The following ACADM variants were observed in gnomAD, a reference collection of about 807,000 sequenced individuals.
ACADM encodes the protein acyl-CoA dehydrogenase medium chain.
In ACADM, 49 loss-of-function variants were observed where a neutral mutation model predicts 58.9. That is an observed-to-expected ratio of 0.83 (90% CI 0.66 to 1.06). The LOEUF (loss-of-function observed/expected upper bound fraction) is 1.06, where lower values mean the gene tolerates loss of function less well. Ranked by LOEUF, ACADM falls within the 50% of genes least tolerant of loss-of-function variation. The probability of loss-of-function intolerance (pLI) is 0.00; values close to 1 mark genes in which losing one functional copy is unlikely to be tolerated. For missense variants in ACADM, 496 were observed against 507.0 expected (o/e 0.98, Z 0.21); for synonymous variants, 160 against 157.7 (o/e 1.01, Z -0.11).
intron 2 of ACADM, chr1:75,732,406 T>C (rs1647162697): frequency 2.0e-6 from 1 of 509,274 alleles, no homozygotes; most frequent in South Asian, 2.3e-5. Context: ...CAGGTTAATA[T>C]CTATTACTCA....
chr1:75,742,592 A>G (rs1647640346), intron 7 of ACADM, among the ~76,000 whole-genome samples: 1 of 152,090 alleles, frequency 6.6e-6, no homozygotes, highest in Non-Finnish European at 1.5e-5. Context: ...GCTTGGTTCC[A>G]CTGCCATGAT....
intron 10 of ACADM, among the ~76,000 whole-genome samples, chr1:75,756,635 C>A (rs1648523624): frequency 6.6e-6 from 1 of 152,128 alleles, no homozygotes; most frequent in African/African-American, 2.4e-5. Context: ...GGCCATATTG[C>A]CCAAGGTAAT....
chr1:75,752,243 T>A (rs1648250613), intron 10 of ACADM, among the ~76,000 whole-genome samples: 1 of 152,108 alleles, frequency 6.6e-6, no homozygotes, highest in Non-Finnish European at 1.5e-5. Flanking sequence ...CAGCCCCCCA[T>A]GAGCCTCCTA....
chr1:75,749,293 C>A, intron 8 of ACADM, 126 bp from the exon 9 acceptor site: 2 of 883,842 alleles, frequency 2.3e-6, no homozygotes, highest in Non-Finnish European at 1.8e-6. Flanking sequence ...GCAAAACAGG[C>A]ATTGCAGACT....
intron 6 of ACADM, among the ~76,000 whole-genome samples, chr1:75,735,214 G>A (rs1557446803): frequency 6.6e-6 from 1 of 151,106 alleles, no homozygotes; most frequent in Non-Finnish European, 1.5e-5. Flanking sequence ...TGCTCAGGAG[G>A]CTGAGGCATA....
intron 8 of ACADM, among the ~76,000 whole-genome samples, chr1:75,746,294 A>G (rs1352621654): frequency 6.6e-6 from 1 of 152,208 alleles, no homozygotes; most frequent in African/African-American, 2.4e-5. Flanking sequence ...CATTATGCCC[A>G]TTTTACAGAT....
At chr1:75,757,898 T>C (rs1370511290) in intron 10 of ACADM, among the ~76,000 whole-genome samples, 2 of 152,182 alleles carry the variant, frequency 1.3e-5, no homozygotes, top group Non-Finnish European at 2.9e-5. Context: ...TCTTTTCCCC[T>C]AGTTGCAAGT....
At chr1:75,757,271 A>C (rs1232916759) in intron 10 of ACADM, among the ~76,000 whole-genome samples, 2 of 152,214 alleles carry the variant, frequency 1.3e-5, no homozygotes, top group Non-Finnish European at 1.5e-5. Context: ...GTGAACAGGC[A>C]ACCTACAGAA....
intron 1 of ACADM, among the ~76,000 whole-genome samples, chr1:75,727,669 T>C (rs999781550): frequency 5.3e-5 from 8 of 152,190 alleles, no homozygotes; most frequent in Non-Finnish European, 1.2e-4. Flanking sequence ...AGTAGTGTAT[T>C]AGTAGTTTAG....
chr1:75,737,316 A>G (rs1340507723), intron 6 of ACADM, among the ~76,000 whole-genome samples: 5 of 128,844 alleles, frequency 3.9e-5, no homozygotes, highest in African/African-American at 6.0e-5. Context: ...ATATATATAT[A>G]TATATATATA....
intron 10 of ACADM, among the ~76,000 whole-genome samples, chr1:75,754,582 A>G (rs532137365): frequency 6.6e-6 from 1 of 152,340 alleles, no homozygotes; most frequent in African/African-American, 2.4e-5. Context: ...GGAATCCACA[A>G]TTAAATAATT....
intron 6 of ACADM, among the ~76,000 whole-genome samples, chr1:75,737,281 TATATATA>T (rs1464727102): frequency 0.021 from 429 of 20,086 alleles, 31 homozygotes; most frequent in African/African-American, 0.043. Flanking sequence ...CACACACAAA[TATATATA>T]TATATATATA....
Position 75,732,561 on chromosome 1 carries a change from A to C in ACADM, c.119-83A>C, listed in dbSNP as rs75795214. On this transcript the variant is annotated intron_variant, in intron 2 of 11. Transcript: ENST00000370841. ...AATCAAGGATTTAAGTCCCCACAAT[A>C]AATACACATTTCTACATACTGACTT... is the stretch of plus-strand genomic sequence containing the variant. The C allele has an allele frequency of 5.0e-3, 5,538 of 1,112,592 alleles. 182 individuals carry two copies. The African/African-American group carries it at 0.068, about 14-fold the overall frequency. 68.9% of individuals were successfully genotyped at this position (1,112,592 alleles called of 1,614,324 possible).
chr1:75,745,550 T>C, intron 7 of ACADM: 1 of 490,284 alleles, frequency 2.0e-6, no homozygotes, highest in South Asian at 2.2e-5. Flanking sequence ...GTACTGCGGG[T>C]AACTGAAACC....
chr1:75,725,254 A>G (rs573492302), intron 1 of ACADM, among the ~76,000 whole-genome samples: 1 of 128,738 alleles, frequency 7.8e-6, no homozygotes, highest in Non-Finnish European at 1.7e-5. Context: ...AAAAAAAAGT[A>G]AAAAAAAAAC....
chr1:75,728,309 C>A, intron 1 of ACADM, 92 bp from the exon 2 acceptor site: 1 of 981,672 alleles, frequency 1.0e-6, no homozygotes, highest in South Asian at 1.6e-5. Flanking sequence ...ATGGTCAAAC[C>A]AGTTGCTGTA....
chr1:75,741,997 G>A (rs1368583639), intron 7 of ACADM, among the ~76,000 whole-genome samples: 3 of 152,124 alleles, frequency 2.0e-5, no homozygotes, highest in African/African-American at 7.2e-5. Context: ...TGGAACATAT[G>A]GATCTCCATT....
intron 2 of ACADM, 78 bp from the exon 3 acceptor site, chr1:75,732,566 C>T: frequency 8.8e-7 from 1 of 1,140,114 alleles, no homozygotes; most frequent in Non-Finnish European, 1.3e-6. Context: ...ACAATAAATA[C>T]ACATTTCTAC....
intron 7 of ACADM, among the ~76,000 whole-genome samples, chr1:75,745,000 C>T (rs1647811813): frequency 1.3e-5 from 2 of 152,122 alleles, no homozygotes; most frequent in African/African-American, 4.8e-5. Flanking sequence ...ACTATAGTCC[C>T]TCCTTATCCT....
Sources: allele counts gnomAD v4.1 joint callset (sites outside exome capture counted in the v4.1 genomes callset), GRCh38; gene constraint gnomAD v4.1.1; transcripts MANE v1.5; gene names NCBI Gene and HGNC (gene_info 2026-07-23, HGNC 2026-07-21).